The following ARID1B variants were observed in gnomAD, a reference collection of about 807,000 sequenced individuals.
ARID1B encodes the protein AT-rich interaction domain 1B, also known as AT-rich interactive domain-containing protein 1B.
A neutral mutation model predicts 212.3 loss-of-function variants in ARID1B; 30 were observed. The observed-to-expected ratio is 0.14, with a 90% CI of 0.11 to 0.19. ARID1B has a LOEUF of 0.19. Among genes scored for constraint, ARID1B ranks in the 10% least tolerant of loss-of-function variants. The pLI is 1.00. For missense variants in ARID1B, 2,891 were observed against 3,204.0 expected (o/e 0.90, Z 2.36); for synonymous variants, 1,402 against 1,301.7 (o/e 1.08, Z -1.66).
intron 13 of ARID1B, chr6:157,186,724 A>G (rs772393931): frequency 1.4e-5 from 5 of 348,396 alleles, no homozygotes; most frequent in African/African-American, 4.3e-5. Flanking sequence ...ACATAATTAT[A>G]GTTTATTTTT....
chr6:157,145,368 G>C (rs1313715313), intron 7 of ARID1B, among the ~76,000 whole-genome samples: 1 of 152,178 alleles, frequency 6.6e-6, no homozygotes, highest in Non-Finnish European at 1.5e-5. Flanking sequence ...GCAGGATTGA[G>C]CAATCGTGAT....
intron 2 of ARID1B, among the ~76,000 whole-genome samples, chr6:156,844,313 C>T (rs1294803163): frequency 2.0e-5 from 3 of 152,196 alleles, no homozygotes; most frequent in Non-Finnish European, 4.4e-5. Context: ...AGCGCTCAGG[C>T]TTCCAGAGTG....
intron 2 of ARID1B, among the ~76,000 whole-genome samples, chr6:156,896,140 G>A (rs2128198901): frequency 6.6e-6 from 1 of 152,206 alleles, no homozygotes; most frequent in East Asian, 1.9e-4. Flanking sequence ...GTTAGATTTT[G>A]TCCTCTTCTG....
At chr6:157,129,873 A>C (rs1377454003) in intron 6 of ARID1B, among the ~76,000 whole-genome samples, 1 of 152,226 alleles carries the variant, frequency 6.6e-6, no homozygotes, top group Non-Finnish European at 1.5e-5. Flanking sequence ...CAAAAACTTA[A>C]GAGTATCGTA....
chr6:157,149,388 A>G (rs1427582816), intron 8 of ARID1B: 1 of 186,858 alleles, frequency 5.4e-6, no homozygotes, highest in Non-Finnish European at 1.2e-5. Context: ...TCTTCCTAAA[A>G]TACAAACTTC....
At chr6:157,067,638 A>G (rs547072450) in intron 4 of ARID1B, among the ~76,000 whole-genome samples, 8 of 152,280 alleles carry the variant, frequency 5.3e-5, no homozygotes, top group African/African-American at 1.9e-4. Context: ...TATTTGCTGG[A>G]TCTGCCCGAC....
intron 1 of ARID1B, among the ~76,000 whole-genome samples, chr6:156,822,808 G>A (rs1431186759): frequency 2.0e-5 from 3 of 152,138 alleles, no homozygotes; most frequent in East Asian, 1.9e-4. Context: ...TGGAGTGGGC[G>A]CCCACTGCCC....
rs1195081203 is a variant in ARID1B at position 157,208,165 on chromosome 6, CTT to C, written c.*278_*279del. On this transcript the variant is annotated 3_prime_UTR_variant, in exon 20 of 20. Transcript: ENST00000636930. ...TGCTGTCTAGTGCATTCAAAGGTCA[CTT>C]TTTGTTCTTCACAGATCTTTTTAAT... 6.3e-6 allele frequency: 2 copies of C among 315,248 alleles called. No homozygotes were observed. The highest frequency in any genetic ancestry group is 1.1e-5 in the Non-Finnish European group (2 of 174,694). The allele number at this position is 315,248 out of a possible 1,614,324, so 19.5% of individuals were successfully genotyped here. A position where few individuals can be genotyped will look rare whatever the true frequency, so the allele number is the denominator to read the frequency against.
At chr6:157,137,622 A>AAATATAAACACTCGGGC (rs1789029140) in intron 7 of ARID1B, among the ~76,000 whole-genome samples, 1 of 152,192 alleles carries the variant, frequency 6.6e-6, no homozygotes, top group Non-Finnish European at 1.5e-5. Flanking sequence ...ATTAGTTACA[A>AAATATAAACACTCGGGC]AATATAAACA....
intron 5 of ARID1B, among the ~76,000 whole-genome samples, chr6:157,092,799 G>A (rs1785358793): frequency 1.3e-5 from 2 of 152,166 alleles, no homozygotes; most frequent in African/African-American, 4.8e-5. Flanking sequence ...AAGAAAGCCT[G>A]TGTCACCAAG....
chr6:157,164,585 T>G (rs1201289442), intron 8 of ARID1B: 1 of 152,238 alleles, frequency 6.6e-6, no homozygotes, highest in Non-Finnish European at 1.5e-5. Context: ...TTTTCAAGAA[T>G]AAAAATGTTC....
intron 2 of ARID1B, among the ~76,000 whole-genome samples, chr6:156,872,401 G>A (rs1786204800): frequency 6.6e-6 from 1 of 152,062 alleles, no homozygotes; most frequent in South Asian, 2.1e-4. Context: ...GGCTCACTGC[G>A]AGCTCCGTCT....
intron 4 of ARID1B, 135 bp from the exon 5 acceptor site, chr6:157,084,527 C>A: frequency 9.0e-7 from 1 of 1,112,098 alleles, no homozygotes; most frequent in Non-Finnish European, 1.3e-6. Flanking sequence ...AAAAAGTGGC[C>A]ATGCTTTTTT....
intron 1 of ARID1B, among the ~76,000 whole-genome samples, chr6:156,816,206 G>C (rs909836981): frequency 6.6e-6 from 1 of 152,180 alleles, no homozygotes; most frequent in Non-Finnish European, 1.5e-5. Flanking sequence ...GGAGATGGAT[G>C]TCTTTCCAGC....
At chr6:157,004,096 G>A (rs1450920008) in intron 4 of ARID1B, among the ~76,000 whole-genome samples, 1 of 151,960 alleles carries the variant, frequency 6.6e-6, no homozygotes, top group African/African-American at 2.4e-5. Flanking sequence ...GTAGAGATGA[G>A]GTCTGGCTAT....
intron 4 of ARID1B, among the ~76,000 whole-genome samples, chr6:157,061,529 C>A (rs1020629541): frequency 6.6e-6 from 1 of 151,438 alleles, no homozygotes; most frequent in Non-Finnish European, 1.5e-5. Flanking sequence ...GGTATTTTAA[C>A]TCCTGGTTAT....
chr6:156,977,953 C>T lies in ARID1B; in HGVS notation c.2247+42377C>T, dbSNP rs113265629. Among the ~76,000 whole-genome samples the T allele has an allele frequency of 6.1e-3, 934 of 152,226 alleles. 14 individuals are homozygous for T. The highest frequency in any genetic ancestry group is 0.022 in the African/African-American group (899 of 41,530). On this transcript the variant is annotated intron_variant, in intron 4 of 19. Coordinates refer to ENST00000636930, the MANE Select transcript of ARID1B (RefSeq NM_001374828.1). ...GGGCAGATTCCTCCCAAGGGCTCTG[C>T]GTGGTTTTCCCTCTCTGGCGGGTGG...
intron 4 of ARID1B, among the ~76,000 whole-genome samples, chr6:157,047,016 T>A (rs1456999236): frequency 6.6e-6 from 1 of 152,214 alleles, no homozygotes; most frequent in Admixed American, 6.5e-5. Flanking sequence ...GTTGTTGTTT[T>A]TTTAAATCAG....
chr6:156,988,395 T>C (rs1442256593), intron 4 of ARID1B, among the ~76,000 whole-genome samples: 1 of 152,220 alleles, frequency 6.6e-6, no homozygotes, highest in Non-Finnish European at 1.5e-5. Flanking sequence ...AGCCTGCCAC[T>C]GTTTTTTGTG....
Sources: allele counts gnomAD v4.1 joint callset (sites outside exome capture counted in the v4.1 genomes callset), GRCh38; gene constraint gnomAD v4.1.1; transcripts MANE v1.5; gene names NCBI Gene and HGNC (gene_info 2026-07-23, HGNC 2026-07-21).